The following GRK5 variants were observed in gnomAD, a reference collection of about 807,000 sequenced individuals.
The protein encoded by GRK5 is G protein-coupled receptor kinase 5.
In GRK5, 40 loss-of-function variants were observed where a neutral mutation model predicts 78.4. That is an observed-to-expected ratio of 0.51 (90% CI 0.40 to 0.66). The LOEUF is 0.66. Ranked by LOEUF, GRK5 falls within the 30% of genes least tolerant of loss-of-function variation. The probability of loss-of-function intolerance (pLI) is 0.00; values close to 1 mark genes in which losing one functional copy is unlikely to be tolerated. For synonymous variants in GRK5, 289 were observed against 296.8 expected (o/e 0.97, Z 0.27); for missense variants, 598 against 759.9 (o/e 0.79, Z 2.50).
chr10:119,287,884 A>T (rs1297172928), intron 1 of GRK5, among the ~76,000 whole-genome samples: 3 of 152,228 alleles, frequency 2.0e-5, no homozygotes, highest in Non-Finnish European at 4.4e-5. Flanking sequence ...CCAGGTAGAC[A>T]CAGCCAGGAA....
rs1488443930 is a variant in GRK5, at chr10:119,335,170, CTCTCT to C, written c.148+8560_148+8564del. ...TCTCTCTCTCTCTCTCTCTCTCTCT[CTCTCT>C]CCCCCTCTCCCTCTCCCCCCACCTC... On this transcript the variant is annotated intron_variant, in intron 2 of 15. Coordinates refer to ENST00000392870, the MANE Select transcript of GRK5 (RefSeq NM_005308.3). Among the ~76,000 whole-genome samples, 318 of 141,120 alleles carry C rather than the reference CTCTCT, an allele frequency of 2.3e-3. 8 individuals carry two copies. Among genetic ancestry groups the C allele is most frequent in the Middle Eastern group, 7.0e-3 (2 of 286 alleles). 92.6% of individuals were successfully genotyped at this position (141,120 alleles called of 152,430 possible). A position where few individuals can be genotyped will look rare whatever the true frequency, so the allele number is the denominator to read the frequency against.
At chr10:119,301,539 C>T (rs1042162696) in intron 1 of GRK5, among the ~76,000 whole-genome samples, 7 of 152,194 alleles carry the variant, frequency 4.6e-5, no homozygotes, top group Admixed American at 1.3e-4. Context: ...TGGTGTTACC[C>T]ACAGCACAGA....
chr10:119,332,831 T>G (rs888504874), intron 2 of GRK5, among the ~76,000 whole-genome samples: 3 of 152,198 alleles, frequency 2.0e-5, no homozygotes, highest in Non-Finnish European at 4.4e-5. Context: ...TCCTCACACT[T>G]TTTCTTCCAG....
Position 119,457,717 on chromosome 10 carries a change from CA to C in GRK5, c.*2651del, listed in dbSNP as rs1417148770. ...TTTTTTTTTTTTTGAGACAAGATCT[CA>C]TTGTGTTCCCCAGGCTGAAGTGCAG... On this transcript the variant is annotated 3_prime_UTR_variant, in exon 16 of 16. Transcript: ENST00000392870. 1 of 134,636 alleles carries C rather than the reference CA, an allele frequency of 7.4e-6. No individual in the cohort carries two copies. Among genetic ancestry groups the C allele is most frequent in the Non-Finnish European group, 1.5e-5 (1 of 64,614 alleles). 8.3% of individuals were successfully genotyped at this position (134,636 alleles called of 1,614,324 possible). A position where few individuals can be genotyped will look rare whatever the true frequency, so the allele number is the denominator to read the frequency against.
chr10:119,380,704 A>G, intron 2 of GRK5, 111 bp from the exon 3 acceptor site: 1 of 647,860 alleles, frequency 1.5e-6, no homozygotes. Flanking sequence ...AGAGTTTGCC[A>G]GTCACCTTCC....
intron 4 of GRK5, among the ~76,000 whole-genome samples, chr10:119,405,929 G>A (rs750416945): frequency 3.3e-5 from 5 of 152,116 alleles, no homozygotes; most frequent in Non-Finnish European, 5.9e-5. Context: ...GAACATGCCT[G>A]GAGAACCAGT....
intron 1 of GRK5, among the ~76,000 whole-genome samples, chr10:119,248,017 C>G (rs1431632514): frequency 2.0e-5 from 3 of 152,046 alleles, no homozygotes; most frequent in Non-Finnish European, 4.4e-5. Flanking sequence ...ACGTAATTAG[C>G]TTTATTTTTA....
At chr10:119,425,486 A>C (rs1852660954) in intron 6 of GRK5, among the ~76,000 whole-genome samples, 2 of 152,212 alleles carry the variant, frequency 1.3e-5, no homozygotes, top group African/African-American at 4.8e-5. Flanking sequence ...TAAATAATAA[A>C]TAGCTTTGTA....
chr10:119,367,284 C>T (rs1851465064), intron 2 of GRK5, among the ~76,000 whole-genome samples: 1 of 152,160 alleles, frequency 6.6e-6, no homozygotes, highest in South Asian at 2.1e-4. Flanking sequence ...AGCAATGTGC[C>T]TCTCCCCCAT....
At chr10:119,331,526 T>C (rs1850778977) in intron 2 of GRK5, among the ~76,000 whole-genome samples, 1 of 152,268 alleles carries the variant, frequency 6.6e-6, no homozygotes. Context: ...TTTATTTTTC[T>C]TGTGGACACA....
At chr10:119,242,254 A>G (rs1849039348) in intron 1 of GRK5, among the ~76,000 whole-genome samples, 1 of 151,978 alleles carries the variant, frequency 6.6e-6, no homozygotes, top group Non-Finnish European at 1.5e-5. Context: ...GTGACCAGAG[A>G]TTGAATGCTG....
chr10:119,363,595 G>A (rs988106963), intron 2 of GRK5, among the ~76,000 whole-genome samples: 6 of 152,300 alleles, frequency 3.9e-5, no homozygotes, highest in African/African-American at 1.2e-4. Flanking sequence ...TGTCTGCATG[G>A]TCACCCAGTT....
chr10:119,213,342 C>T (rs1297803422), intron 1 of GRK5, among the ~76,000 whole-genome samples: 1 of 152,076 alleles, frequency 6.6e-6, no homozygotes, highest in Non-Finnish European at 1.5e-5. Flanking sequence ...GAAATCCTGT[C>T]TCTACTAAAA....
At chr10:119,235,870 C>T (rs1199416856) in intron 1 of GRK5, among the ~76,000 whole-genome samples, 1 of 152,094 alleles carries the variant, frequency 6.6e-6, no homozygotes, top group Non-Finnish European at 1.5e-5. Flanking sequence ...CTGGATTCTG[C>T]CCCAGGAGAT....
intron 1 of GRK5, among the ~76,000 whole-genome samples, chr10:119,250,110 A>T (rs1025689677): frequency 1.3e-5 from 2 of 152,142 alleles, no homozygotes; most frequent in Non-Finnish European, 2.9e-5. Flanking sequence ...CTGTGCCCAG[A>T]CCTGTGGGGT....
chr10:119,392,009 C>T (rs965301420), intron 3 of GRK5, among the ~76,000 whole-genome samples: 2 of 152,170 alleles, frequency 1.3e-5, no homozygotes, highest in African/African-American at 4.8e-5. Flanking sequence ...CCCAGACTGC[C>T]CTTTCTAAAC....
At chr10:119,210,321 G>A (rs576399815) in intron 1 of GRK5, among the ~76,000 whole-genome samples, 1 of 152,294 alleles carries the variant, frequency 6.6e-6, no homozygotes, top group African/African-American at 2.4e-5. Context: ...TTTACAATTT[G>A]CATCTCTCCC....
chr10:119,338,531 T>C (rs1396382496), intron 2 of GRK5, among the ~76,000 whole-genome samples: 1 of 152,232 alleles, frequency 6.6e-6, no homozygotes, highest in African/African-American at 2.4e-5. Flanking sequence ...TTTTCCCTTG[T>C]CATTAAAATC....
chr10:119,347,585 C>G (rs1851118631), intron 2 of GRK5, among the ~76,000 whole-genome samples: 1 of 152,288 alleles, frequency 6.6e-6, no homozygotes, highest in Admixed American at 6.5e-5. Context: ...AGGGAAATGA[C>G]TCTGACCTGG....
Sources: gnomAD v4.1 joint callset for allele counts (sites outside exome capture counted in the v4.1 genomes callset) on GRCh38, gnomAD v4.1.1 for gene constraint, MANE v1.5 for transcripts, NCBI Gene and HGNC (gene_info 2026-07-23, HGNC 2026-07-21) for gene names.